IP6K1: variants seen among roughly 807,000 people sequenced by gnomAD.
The protein encoded by IP6K1 is inositol hexakisphosphate kinase 1.
In IP6K1, 13 loss-of-function variants were observed where a neutral mutation model predicts 38.3. The ratio of observed to expected loss-of-function variants is 0.34; its 90% CI spans 0.22 to 0.54. IP6K1 has a LOEUF of 0.54. Ranked by LOEUF, IP6K1 falls within the 20% of genes least tolerant of loss-of-function variation. The probability of loss-of-function intolerance (pLI) is 0.92; values close to 1 mark genes in which losing one functional copy is unlikely to be tolerated. For synonymous variants in IP6K1, 212 were observed against 229.9 expected (o/e 0.92, Z 0.70); for missense variants, 397 against 599.8 (o/e 0.66, Z 3.53).
chr3:49,744,218 T>C (rs2080700497), intron 2 of IP6K1, among the ~76,000 whole-genome samples: 1 of 151,228 alleles, frequency 6.6e-6, no homozygotes, highest in Non-Finnish European at 1.5e-5. Flanking sequence ...CTGGCTAACA[T>C]GGTGAAACCC....
intron 1 of IP6K1, among the ~76,000 whole-genome samples, chr3:49,754,015 CAA>C (rs1220139106): frequency 6.6e-6 from 1 of 151,802 alleles, no homozygotes; most frequent in Non-Finnish European, 1.5e-5. Context: ...ATCAATGATA[CAA>C]AAGAGATTAA....
chr3:49,765,464 ACT>A (rs2080903064), intron 1 of IP6K1, among the ~76,000 whole-genome samples: 2 of 142,864 alleles, frequency 1.4e-5, no homozygotes, highest in Non-Finnish European at 3.0e-5. Context: ...ACATGGTCAA[ACT>A]CTGTTTCTAC....
chr3:49,767,855 G>T (rs933421681), intron 1 of IP6K1, among the ~76,000 whole-genome samples: 1 of 152,048 alleles, frequency 6.6e-6, no homozygotes, highest in African/African-American at 2.4e-5. Flanking sequence ...AACATATAAA[G>T]TACTTGTATA....
At chr3:49,753,492 A>G (rs537205334) in intron 1 of IP6K1, among the ~76,000 whole-genome samples, 1 of 152,038 alleles carries the variant, frequency 6.6e-6, no homozygotes, top group Non-Finnish European at 1.5e-5. Context: ...TACTTTACTT[A>G]CTGATAATGT....
At chr3:49,731,162 G>T (rs1297498534) in intron 4 of IP6K1, among the ~76,000 whole-genome samples, 1 of 151,756 alleles carries the variant, frequency 6.6e-6, no homozygotes, top group African/African-American at 2.4e-5. Context: ...AACGATCTAT[G>T]GTCCTAACTC....
At chr3:49,784,793 A>G (rs946245158) in intron 1 of IP6K1, among the ~76,000 whole-genome samples, 1 of 151,516 alleles carries the variant, frequency 6.6e-6, no homozygotes, top group Non-Finnish European at 1.5e-5. Flanking sequence ...AAAAATACAA[A>G]AATTAGCCAG....
At chr3:49,767,306 C>T (rs574382714) in intron 1 of IP6K1, among the ~76,000 whole-genome samples, 38 of 152,036 alleles carry the variant, frequency 2.5e-4, no homozygotes, top group African/African-American at 8.7e-4. Context: ...TGGCCAGGCG[C>T]GGTGGCTCAC....
At chr3:49,753,882 T>C (rs141121460) in intron 1 of IP6K1, among the ~76,000 whole-genome samples, 5 of 152,250 alleles carry the variant, frequency 3.3e-5, no homozygotes, top group Admixed American at 6.5e-5. Flanking sequence ...TAAGATTTGA[T>C]ATATGAAGGA....
chr3:49,737,625 G>C (rs2108228219), intron 3 of IP6K1, among the ~76,000 whole-genome samples: 1 of 152,342 alleles, frequency 6.6e-6, no homozygotes, highest in South Asian at 2.1e-4. Flanking sequence ...GGGAGAGGTT[G>C]CAGTGACGCA....
rs1250694205 is a variant in IP6K1 at position 49,725,520 on chromosome 3, G to A, written c.*1602C>T. ...GCCCTTAAGAGGCTGCATCTTTAAG[G>A]ACCAGGAAATGAGTCCATCAGTTAC... On this transcript the variant is annotated 3_prime_UTR_variant, in exon 6 of 6. Transcript: ENST00000321599. 6.6e-6 allele frequency: 1 copy of A among 152,560 alleles called. No homozygotes were observed. Among genetic ancestry groups the A allele is most frequent in the Non-Finnish European group, 1.5e-5 (1 of 68,066 alleles). The allele number at this position is 152,560 out of a possible 1,614,324, so 9.5% of individuals were successfully genotyped here. A position where few individuals can be genotyped will look rare whatever the true frequency, so the allele number is the denominator to read the frequency against.
At chr3:49,731,694 T>C (rs904566901) in intron 4 of IP6K1, among the ~76,000 whole-genome samples, 1 of 152,020 alleles carries the variant, frequency 6.6e-6, no homozygotes, top group African/African-American at 2.4e-5. Context: ...CAGTTGTTAT[T>C]TGTCTACTAC....
intron 1 of IP6K1, among the ~76,000 whole-genome samples, chr3:49,772,225 A>T: frequency 1.2e-5 from 1 of 81,482 alleles, no homozygotes; most frequent in East Asian, 2.3e-4. Context: ...AAAAAAAAAA[A>T]TATATATATA....
chr3:49,780,309 T>TACACACACAC lies in IP6K1; in HGVS notation c.-129+6035_-129+6044dup, dbSNP rs71080553. Among the ~76,000 whole-genome samples, 747 of 117,606 alleles carry TACACACACAC rather than the reference T, an allele frequency of 6.4e-3. 37 individuals are homozygous for TACACACACAC. Among genetic ancestry groups the TACACACACAC allele is most frequent in the Middle Eastern group, 0.018 (4 of 228 alleles). 77.2% of individuals were successfully genotyped at this position (117,606 alleles called of 152,430 possible). A position where few individuals can be genotyped will look rare whatever the true frequency, so the allele number is the denominator to read the frequency against. ...ACACGAGAATCTTTATCATCTTTCA[T>TACACACACAC]ACACACACACACACACACACACACA... On this transcript the variant is annotated intron_variant, in intron 1 of 5. Transcript: ENST00000321599.
chr3:49,784,016 AT>A (rs2081090287), intron 1 of IP6K1, among the ~76,000 whole-genome samples: 1 of 151,682 alleles, frequency 6.6e-6, no homozygotes, highest in African/African-American at 2.4e-5. Flanking sequence ...TTTATTATTT[AT>A]TTATTTATTT....
At position 49,725,534 on chromosome 3, in the gene IP6K1, T is replaced by C. The variant is rs982665297; in HGVS notation, c.*1588A>G. Reference sequence around the variant, plus strand: ...GCATCTTTAAGGACCAGGAAATGAGTCCATCAGTTACCAAGGCTTCTCACA... The same window carrying C: ...GCATCTTTAAGGACCAGGAAATGAGCCCATCAGTTACCAAGGCTTCTCACA... On this transcript the variant is annotated 3_prime_UTR_variant, in exon 6 of 6. Coordinates refer to ENST00000321599, the MANE Select transcript of IP6K1 (RefSeq NM_153273.4). 1 of 152,550 alleles carries C rather than the reference T, an allele frequency of 6.6e-6. No individual in the cohort carries two copies. Among genetic ancestry groups the C allele is most frequent in the Non-Finnish European group, 1.5e-5 (1 of 68,082 alleles). 9.4% of individuals were successfully genotyped at this position (152,550 alleles called of 1,614,324 possible).
chr3:49,769,934 C>T (rs557724675), intron 1 of IP6K1, among the ~76,000 whole-genome samples: 17 of 152,296 alleles, frequency 1.1e-4, no homozygotes, highest in African/African-American at 3.8e-4. Flanking sequence ...ATCCTCTAAG[C>T]CAAGCATGGT....
chr3:49,783,709 T>C (rs1313778422), intron 1 of IP6K1, among the ~76,000 whole-genome samples: 1 of 108,310 alleles, frequency 9.2e-6, no homozygotes, highest in East Asian at 2.1e-4. Flanking sequence ...CGAGATTCCG[T>C]CTCAAAAAAA....
At chr3:49,754,471 G>A (rs1264649574) in intron 1 of IP6K1, among the ~76,000 whole-genome samples, 39 of 152,134 alleles carry the variant, frequency 2.6e-4, no homozygotes, top group Admixed American at 2.6e-3. Context: ...ACTGCTTGAG[G>A]CCAGGAGTTC....
chr3:49,763,065 T>C (rs1157421494), intron 1 of IP6K1, among the ~76,000 whole-genome samples: 4 of 151,452 alleles, frequency 2.6e-5, no homozygotes, highest in South Asian at 2.1e-4. Context: ...GCTGGGATTA[T>C]AGGCGTGAGC....
Sources: gnomAD v4.1 joint callset for allele counts (sites outside exome capture counted in the v4.1 genomes callset) on GRCh38, gnomAD v4.1.1 for gene constraint, MANE v1.5 for transcripts, NCBI Gene and HGNC (gene_info 2026-07-23, HGNC 2026-07-21) for gene names.